The following OTUD7A variants were observed in gnomAD, a reference collection of about 807,000 sequenced individuals.
OTUD7A encodes the protein OTU deubiquitinase 7A.
In OTUD7A, 12 loss-of-function variants were observed where a neutral mutation model predicts 65.7. The observed-to-expected ratio is 0.18, with a 90% confidence interval of 0.12 to 0.30. The LOEUF is 0.30. Ranked by LOEUF, OTUD7A falls within the 10% of genes least tolerant of loss-of-function variation. OTUD7A has a pLI of 1.00. For synonymous variants in OTUD7A, 641 were observed against 586.3 expected (o/e 1.09, Z -1.35); for missense variants, 1,148 against 1,304.8 (o/e 0.88, Z 1.85).
At chr15:31,868,431 A>C (rs1897936948) in intron 1 of OTUD7A, among the ~76,000 whole-genome samples, 1 of 152,232 alleles carries the variant, frequency 6.6e-6, no homozygotes, top group Admixed American at 6.5e-5. Flanking sequence ...TCCATTTTCA[A>C]AGAGTTTGCA....
intron 4 of OTUD7A, among the ~76,000 whole-genome samples, chr15:31,567,755 G>C (rs1888921528): frequency 6.6e-6 from 1 of 152,242 alleles, no homozygotes; most frequent in African/African-American, 2.4e-5. Context: ...ACCTTGTGTA[G>C]CCTTGGGACA....
chr15:31,535,188 A>G (rs1887756393), intron 5 of OTUD7A, among the ~76,000 whole-genome samples: 1 of 152,226 alleles, frequency 6.6e-6, no homozygotes, highest in African/African-American at 2.4e-5. Context: ...CCAGGTGTCA[A>G]GGGAAGGACC....
chr15:31,703,195 T>C (rs1893253701), intron 1 of OTUD7A, among the ~76,000 whole-genome samples: 1 of 152,152 alleles, frequency 6.6e-6, no homozygotes, highest in Admixed American at 6.5e-5. Flanking sequence ...GATTTAGGGT[T>C]AGGAAAGAAG....
At chr15:31,552,182 T>A (rs1888346408) in intron 5 of OTUD7A, among the ~76,000 whole-genome samples, 1 of 152,206 alleles carries the variant, frequency 6.6e-6, no homozygotes, top group Admixed American at 6.5e-5. Context: ...CTGCCAGGAC[T>A]GGAAGCTTCC....
At chr15:31,575,645 T>C (rs1452847372) in intron 3 of OTUD7A, among the ~76,000 whole-genome samples, 2 of 152,242 alleles carry the variant, frequency 1.3e-5, no homozygotes, top group Admixed American at 6.5e-5. Context: ...GCAGCCACTA[T>C]AAGCCTATGA....
chr15:31,477,073 GGGA>G lies in OTUD7A; in HGVS notation c.*6218_*6220del, dbSNP rs1455013695. The stretch of plus-strand genomic sequence containing the variant: ...AGTGCACCTCCACCAGTGGCCAATG[GGGA>G]TACCCGGGGGCCTTGGCTCTCTGGC... On this transcript the variant is annotated 3_prime_UTR_variant, in exon 13 of 13. Coordinates refer to ENST00000307050, the MANE Select transcript of OTUD7A (RefSeq NM_001382637.1). 4.6e-5 allele frequency: 7 copies of G among 152,468 alleles called. No individual in the cohort carries two copies. Among genetic ancestry groups the G allele is most frequent in the Non-Finnish European group, 1.0e-4 (7 of 68,222 alleles). 9.4% of individuals were successfully genotyped at this position (152,468 alleles called of 1,614,324 possible). A position where few individuals can be genotyped will look rare whatever the true frequency, so the allele number is the denominator to read the frequency against.
At chr15:31,538,131 C>T (rs1887866756) in intron 5 of OTUD7A, among the ~76,000 whole-genome samples, 1 of 152,208 alleles carries the variant, frequency 6.6e-6, no homozygotes, top group Non-Finnish European at 1.5e-5. Flanking sequence ...GGGGCTTGCT[C>T]CTCCTTCACA....
At chr15:31,558,832 T>C in intron 5 of OTUD7A, 137 bp downstream of exon 5, 10 of 910,366 alleles carry the variant, frequency 1.1e-5, no homozygotes, top group Non-Finnish European at 1.5e-5. Flanking sequence ...GGAGGTGCGG[T>C]GCAGCATCTA....
chr15:31,826,643 G>C (rs1329807879), intron 1 of OTUD7A, among the ~76,000 whole-genome samples: 2 of 152,198 alleles, frequency 1.3e-5, no homozygotes, highest in Non-Finnish European at 2.9e-5. Flanking sequence ...ATTTCTCCTA[G>C]GAAAATAGGA....
chr15:31,586,429 G>T (rs756364994), intron 3 of OTUD7A, among the ~76,000 whole-genome samples: 1 of 152,156 alleles, frequency 6.6e-6, no homozygotes, highest in Non-Finnish European at 1.5e-5. Flanking sequence ...AGCCCCCCAG[G>T]GCTGTGGGTA....
chr15:31,503,925 T>C, intron 8 of OTUD7A, 107 bp from the exon 9 acceptor site: 2 of 1,355,168 alleles, frequency 1.5e-6, no homozygotes, highest in Admixed American at 2.0e-5. Flanking sequence ...CTCTGGATAT[T>C]ATCTTCATGG....
At chr15:31,633,060 C>T (rs985946803) in intron 3 of OTUD7A, among the ~76,000 whole-genome samples, 2 of 152,234 alleles carry the variant, frequency 1.3e-5, no homozygotes, top group Admixed American at 6.5e-5. Flanking sequence ...TTCCCTGACC[C>T]CTTGAGCTTC....
intron 3 of OTUD7A, among the ~76,000 whole-genome samples, chr15:31,589,558 C>T (rs533289167): frequency 1.8e-4 from 28 of 151,352 alleles, no homozygotes; most frequent in African/African-American, 5.8e-4. Context: ...CTACCTCGGC[C>T]TCCCAAAATG....
intron 1 of OTUD7A, among the ~76,000 whole-genome samples, chr15:31,835,368 T>C (rs1897028763): frequency 6.6e-6 from 1 of 152,232 alleles, no homozygotes; most frequent in African/African-American, 2.4e-5. Context: ...AGGCATCCCG[T>C]ATTATTATCA....
At chr15:31,847,675 C>T (rs1046196860) in intron 1 of OTUD7A, among the ~76,000 whole-genome samples, 1 of 152,116 alleles carries the variant, frequency 6.6e-6, no homozygotes, top group African/African-American at 2.4e-5. Context: ...CAAAGCCATG[C>T]GGACCTGTGT....
chr15:31,509,266 A>G (rs1302999987), intron 8 of OTUD7A, among the ~76,000 whole-genome samples: 2 of 151,942 alleles, frequency 1.3e-5, no homozygotes, highest in East Asian at 1.9e-4. Flanking sequence ...TATAATTAAT[A>G]TTTTTAAATT....
In OTUD7A at chr15:31,527,163, A is replaced by G. The variant is rs762694082; in HGVS notation, c.780+18T>C. 1.9e-6 allele frequency: 3 copies of G among 1,613,838 alleles called. No homozygotes were observed. The highest frequency in any genetic ancestry group is 2.5e-6 in the Non-Finnish European group (3 of 1,179,890). ...CTGGCCTGGGTCCCGGGCTCTGGCCATGCCAGTGGATACCAACCTCCTTAT... is the reference window on the plus strand; with the variant it reads ...CTGGCCTGGGTCCCGGGCTCTGGCCGTGCCAGTGGATACCAACCTCCTTAT... On this transcript the variant is annotated intron_variant, in intron 7 of 12. Transcript: ENST00000307050.
At position 31,510,017 on chromosome 15, in the gene OTUD7A, T is replaced by G. The variant is rs543640151; in HGVS notation, c.894-6199A>C. Among the ~76,000 whole-genome samples the G allele has an allele frequency of 1.1e-4, 16 of 151,878 alleles. No individual in the cohort carries two copies. The East Asian group carries it at 3.1e-3, about 29-fold the overall frequency. The stretch of plus-strand genomic sequence containing the variant: ...TTTGTTTCCTTTTTTTTTCCCGGTC[T>G]TGCGGCGCAGGCTGGGCAAGGGACG... On this transcript the variant is annotated intron_variant, in intron 8 of 12. Transcript: ENST00000307050.
At chr15:31,503,574 A>C in intron 9 of OTUD7A, 117 bp downstream of exon 9, 1 of 1,364,970 alleles carries the variant, frequency 7.3e-7, no homozygotes, top group Non-Finnish European at 1.0e-6. Flanking sequence ...AGATCTTTGC[A>C]CAGAGTGATG....
Sources: allele counts gnomAD v4.1 joint callset (sites outside exome capture counted in the v4.1 genomes callset), GRCh38; gene constraint gnomAD v4.1.1; transcripts MANE v1.5; gene names NCBI Gene and HGNC (gene_info 2026-07-23, HGNC 2026-07-21).